Variants in TMEM132B observed in about 807,000 individuals in gnomAD.
The protein encoded by TMEM132B is transmembrane protein 132B.
TMEM132B carries 18 observed loss-of-function variants against 90.8 expected under a neutral mutation model. That is an observed-to-expected ratio of 0.20 (90% CI 0.14 to 0.29). The LOEUF is 0.29. Among genes scored for constraint, TMEM132B ranks in the 10% least tolerant of loss-of-function variants. The probability of loss-of-function intolerance (pLI) is 1.00; values close to 1 mark genes in which losing one functional copy is unlikely to be tolerated. For synonymous variants in TMEM132B, 504 were observed against 523.3 expected, an observed-to-expected ratio of 0.96 and a Z score of 0.50; for missense variants, 1,096 against 1,326.8, an observed-to-expected ratio of 0.83 and a Z score of 2.70.
intron 1 of TMEM132B, among the ~76,000 whole-genome samples, chr12:125,217,791 T>C (rs568462481): frequency 6.6e-6 from 1 of 152,312 alleles, no homozygotes; most frequent in East Asian, 1.9e-4. Context: ...ACAGGCATTA[T>C]GTATCAAAAT....
intron 4 of TMEM132B, among the ~76,000 whole-genome samples, chr12:125,526,624 G>A (rs1417537583): frequency 1.3e-5 from 2 of 152,206 alleles, no homozygotes; most frequent in Non-Finnish European, 2.9e-5. Context: ...GCTGCCACAG[G>A]TGTGTGATCC....
intron 2 of TMEM132B, among the ~76,000 whole-genome samples, chr12:125,402,683 G>C (rs1191600350): frequency 6.6e-6 from 1 of 152,190 alleles, no homozygotes; most frequent in African/African-American, 2.4e-5. Flanking sequence ...GGTGGGCAGG[G>C]GTAGATGCTG....
intron 3 of TMEM132B, among the ~76,000 whole-genome samples, chr12:125,500,735 C>T (rs753898577): frequency 6.6e-6 from 1 of 152,152 alleles, no homozygotes; most frequent in Non-Finnish European, 1.5e-5. Context: ...TGTGAGGTTA[C>T]GTGGATGTCC....
chr12:125,579,536 A>G (rs1885007463), intron 4 of TMEM132B, among the ~76,000 whole-genome samples: 1 of 151,304 alleles, frequency 6.6e-6, no homozygotes, highest in African/African-American at 2.4e-5. Flanking sequence ...CTAATTTTTT[A>G]TATTTTTAGT....
In TMEM132B at chr12:125,350,321, G is replaced by T; in HGVS notation, c.937G>T (p.Val313Leu). 1 of 1,613,204 alleles carries T rather than the reference G, an allele frequency of 6.2e-7. No individual in the cohort carries two copies. The highest frequency in any genetic ancestry group is 8.5e-7 in the Non-Finnish European group (1 of 1,179,852). ...TTTGGTCTCTCTGACCAGTAGCTCT[G>T]TGGCAGACCAGTTCACTCTTAGGTA... ...TFLVSLTSSS[V>L]ADQFTLRIKA... The change falls in exon 2 of 9, where the codon GTG (valine) becomes TTG (leucine). Residue 313 changes from valine to leucine, a missense_variant. Coordinates refer to ENST00000682704, the MANE Select transcript of TMEM132B (RefSeq NM_001366854.1).
At chr12:125,476,734 AG>A (rs1462046476) in intron 3 of TMEM132B, among the ~76,000 whole-genome samples, 5 of 152,132 alleles carry the variant, frequency 3.3e-5, no homozygotes, top group Non-Finnish European at 5.9e-5. Context: ...TAACTTTTTG[AG>A]GAGCTGCCAA....
Position 125,246,467 on chromosome 12 carries a change from C to T in TMEM132B, c.67+59601C>T, listed in dbSNP as rs1245030380. ...CTGTCCCCACTCAGATGCCTTGTTTCGAAACAGCGTGCCGGTGTTATGATT... is the reference window on the plus strand; with the variant it reads ...CTGTCCCCACTCAGATGCCTTGTTTTGAAACAGCGTGCCGGTGTTATGATT... On this transcript the variant is annotated intron_variant, in intron 1 of 8. Coordinates refer to ENST00000682704, the MANE Select transcript of TMEM132B (RefSeq NM_001366854.1). The surrounding 1 kb of genome is among the most constrained non-coding windows in gnomAD (Gnocchi z 4.2). Among the ~76,000 whole-genome samples, 3 of 152,152 alleles carry T rather than the reference C, an allele frequency of 2.0e-5. No individual in the cohort carries two copies. The highest frequency in any genetic ancestry group is 7.2e-5 in the African/African-American group (3 of 41,448).
chr12:125,597,631 T>C (rs1885472188), intron 5 of TMEM132B, among the ~76,000 whole-genome samples: 1 of 152,190 alleles, frequency 6.6e-6, no homozygotes, highest in Non-Finnish European at 1.5e-5. Context: ...AAGAAATCAC[T>C]CAATGAGAGC....
At chr12:125,576,979 T>A (rs554406203) in intron 4 of TMEM132B, among the ~76,000 whole-genome samples, 17 of 151,382 alleles carry the variant, frequency 1.1e-4, no homozygotes, top group South Asian at 2.1e-4. Context: ...TTTTTTTTTT[T>A]AAATTAGGGT....
At chr12:125,339,775 G>A (rs9634136) in intron 1 of TMEM132B, among the ~76,000 whole-genome samples, 107,384 of 152,026 alleles carry the variant, frequency 0.71, 39,499 homozygotes, top group South Asian at 0.82. Flanking sequence ...TAGCTACAGC[G>A]TGGGATAAAA....
chr12:125,612,584 T>A (rs934292765), intron 5 of TMEM132B, among the ~76,000 whole-genome samples: 6 of 145,550 alleles, frequency 4.1e-5, no homozygotes, highest in East Asian at 4.0e-4. Context: ...AAAATATATA[T>A]TATATATATA....
rs1287489499 is a variant in TMEM132B at position 125,654,233 on chromosome 12, G to T, written c.2775G>T (p.Val925=). 3.1e-6 allele frequency: 5 copies of T among 1,614,200 alleles called. No individual in the cohort carries two copies. In the Middle Eastern group the frequency reaches 6.6e-4, roughly 213 times the overall value. The stretch of plus-strand genomic sequence containing the variant: ...TTCTGGTCTTCTTGATCAACTGCGT[G>T]GCGTTTGCCTGGAAATACAGACACA... ...LAILVFLINC[V]AFAWKYRHKR... is the part of the protein sequence containing the mutation. Residue 925 remains valine, a synonymous_variant, in exon 9 of 9, where the codon GTG becomes GTT. Transcript: ENST00000682704. This position sits in a 1 kb window ranked among gnomAD's most constrained non-coding sequence, Gnocchi z 5.8.
intron 3 of TMEM132B, among the ~76,000 whole-genome samples, chr12:125,482,006 G>A (rs1306610742): frequency 6.6e-6 from 1 of 152,192 alleles, no homozygotes; most frequent in Non-Finnish European, 1.5e-5. Context: ...ACAGGGAAAG[G>A]ATTCCCTATT....
intron 2 of TMEM132B, among the ~76,000 whole-genome samples, chr12:125,395,636 A>G (rs1469478382): frequency 6.6e-6 from 1 of 152,186 alleles, no homozygotes; most frequent in African/African-American, 2.4e-5. Context: ...TCGGAGTGGT[A>G]GAAATGTCAG....
At chr12:125,510,681 G>T (rs544672635) in intron 3 of TMEM132B, among the ~76,000 whole-genome samples, 99 of 152,108 alleles carry the variant, frequency 6.5e-4, no homozygotes, top group Non-Finnish European at 1.3e-3. Context: ...AATTTTAAAA[G>T]AAATATATTT....
At chr12:125,545,387 T>C in intron 4 of TMEM132B, among the ~76,000 whole-genome samples, 1 of 152,176 alleles carries the variant, frequency 6.6e-6, no homozygotes, top group East Asian at 1.9e-4. Flanking sequence ...GGGCAGGTGG[T>C]CACAAAGGCT....
At chr12:125,311,595 C>T (rs752408427) in intron 1 of TMEM132B, among the ~76,000 whole-genome samples, 25 of 152,162 alleles carry the variant, frequency 1.6e-4, no homozygotes, top group Non-Finnish European at 3.7e-4. Flanking sequence ...CTGGAATCTG[C>T]GGAAGCTGCT....
chr12:125,551,227 C>T (rs1282478024), intron 4 of TMEM132B, among the ~76,000 whole-genome samples: 2 of 152,226 alleles, frequency 1.3e-5, no homozygotes, highest in African/African-American at 4.8e-5. Flanking sequence ...TTAATTCTTA[C>T]AACAATCCTG....
intron 3 of TMEM132B, among the ~76,000 whole-genome samples, chr12:125,423,891 A>G (rs1465063958): frequency 6.6e-6 from 1 of 152,202 alleles, no homozygotes; most frequent in East Asian, 1.9e-4. Context: ...TTTTCATGTC[A>G]TTGAATATTT....
Sources: gnomAD v4.1 joint callset for allele counts (sites outside exome capture counted in the v4.1 genomes callset) on GRCh38, gnomAD v4.1.1 for gene constraint, Gnocchi (gnomAD v3.1) non-coding constraint, MANE v1.5 for transcripts, NCBI Gene and HGNC (gene_info 2026-07-23, HGNC 2026-07-21) for gene names.